PIK3R5: variants seen among roughly 807,000 people sequenced by gnomAD.
PIK3R5 encodes phosphoinositide-3-kinase regulatory subunit 5, also known as phosphoinositide 3-kinase regulatory subunit 5.
In PIK3R5, 32 loss-of-function variants were observed where a neutral mutation model predicts 94.9. The ratio of observed to expected loss-of-function variants is 0.34; its 90% CI spans 0.25 to 0.45. The LOEUF is 0.45. PIK3R5 is among the 20% of genes least tolerant of loss of function. The pLI is 1.00. For synonymous variants in PIK3R5, 443 were observed against 479.4 expected (o/e 0.92, Z 0.99); for missense variants, 853 against 1,144.6 (o/e 0.75, Z 3.68).
rs1284190031 is a variant in PIK3R5 at position 8,909,110 on chromosome 17, A to G, written c.168T>C (p.Leu56=). 1.9e-6 allele frequency: 3 copies of G among 1,609,912 alleles called. No individual in the cohort carries two copies. The South Asian group carries it at 3.3e-5, about 18-fold the overall frequency. The change falls in exon 3 of 19, where the codon CTT becomes CTC. Residue 56 remains leucine (L), a synonymous_variant. Transcript: ENST00000447110. This position sits in a 1 kb window ranked among gnomAD's most constrained non-coding sequence, Gnocchi z 4.3. ...ELVSRDPGHF[L]ILLEQILQKT... ...TCTGCAGGATCTGCTCAAGGAGGAT[A>G]AGGAAGTGGCCCGGGTCCCTGCTGA...
At chr17:8,894,394 A>G (rs2090101396) in intron 5 of PIK3R5, among the ~76,000 whole-genome samples, 1 of 152,090 alleles carries the variant, frequency 6.6e-6, no homozygotes, top group Admixed American at 6.5e-5. Context: ...CCAGCCAGGC[A>G]GTGGGTTTCG....
At chr17:8,956,492 T>C (rs1262379249) in intron 1 of PIK3R5, among the ~76,000 whole-genome samples, 15 of 152,154 alleles carry the variant, frequency 9.9e-5, no homozygotes, top group Admixed American at 9.8e-4. Flanking sequence ...GTCAGAATCA[T>C]AGAGTCCAGT....
chr17:8,887,737 A>T lies in PIK3R5; in HGVS notation c.1617-54T>A, dbSNP rs1044834977. On this transcript the variant is annotated intron_variant, in intron 10 of 18. Coordinates refer to ENST00000447110, the MANE Select transcript of PIK3R5 (RefSeq NM_001142633.3). ...AATGGGCATGGTGGCTCACGCCTGT[A>T]ATCCCAGCACTTTGGGAGGCTGAGG... 27 of 1,521,246 alleles carry T rather than the reference A, an allele frequency of 1.8e-5. No individual in the cohort carries two copies. The African/African-American group carries it at 2.8e-4, about 16-fold the overall frequency. 94.2% of individuals were successfully genotyped at this position (1,521,246 alleles called of 1,614,324 possible). A position where few individuals can be genotyped will look rare whatever the true frequency, so the allele number is the denominator to read the frequency against.
chr17:8,900,581 G>A (rs1321782601), intron 5 of PIK3R5, among the ~76,000 whole-genome samples: 2 of 152,150 alleles, frequency 1.3e-5, no homozygotes, highest in Non-Finnish European at 1.5e-5. Flanking sequence ...ACATGGTCCC[G>A]GGAAGGATGT....
In PIK3R5 at chr17:8,896,631, C is replaced by G. The variant is rs2090158750; in HGVS notation, c.413-2976G>C. Among the ~76,000 whole-genome samples the G allele has an allele frequency of 6.6e-6, 1 of 152,206 alleles. No homozygotes were observed. Among genetic ancestry groups the G allele is most frequent in the Non-Finnish European group, 1.5e-5 (1 of 68,034 alleles). ...ATTAAGCCTTGTTCACCCATCAAAG[C>G]TTCCACTCTTTTTCAAAGTTGCAAA... On this transcript the variant is annotated intron_variant, in intron 5 of 18. Coordinates refer to ENST00000447110, the MANE Select transcript of PIK3R5 (RefSeq NM_001142633.3). The surrounding 1 kb of genome is among the most constrained non-coding windows in gnomAD (Gnocchi z 4.0).
chr17:8,946,440 C>A lies in PIK3R5; in HGVS notation c.-14+19156G>T, dbSNP rs557716120. 2.4e-4 allele frequency among the ~76,000 whole-genome samples: 36 copies of A among 151,888 alleles called. 1 individual carries two copies. Among genetic ancestry groups the A allele is most frequent in the African/African-American group, 7.7e-4 (32 of 41,390 alleles). Reference sequence around the variant, plus strand: ...TATGAAAACTACTAGGAGATGGCGCCGTCTGCCAGGCACCTAAGAAAACTA... The same window carrying A: ...TATGAAAACTACTAGGAGATGGCGCAGTCTGCCAGGCACCTAAGAAAACTA... On this transcript the variant is annotated intron_variant, in intron 1 of 18. Transcript: ENST00000447110.
chr17:8,949,633 CA>C (rs1415575469), intron 1 of PIK3R5, among the ~76,000 whole-genome samples: 1 of 152,108 alleles, frequency 6.6e-6, no homozygotes, highest in African/African-American at 2.4e-5. Context: ...TAGGATTGGA[CA>C]CTATTATTCT....
Position 8,902,846 on chromosome 17 carries a change from A to ATTTT in PIK3R5, c.412+1927_412+1930dup, listed in dbSNP as rs35776068. 7.0e-3 allele frequency among the ~76,000 whole-genome samples: 985 copies of ATTTT among 140,168 alleles called. 11 individuals are homozygous for ATTTT. The highest frequency in any genetic ancestry group is 0.024 in the African/African-American group (910 of 37,770). The allele number at this position is 140,168 out of a possible 152,430, so 92.0% of individuals were successfully genotyped here. On this transcript the variant is annotated intron_variant, in intron 5 of 18. Transcript: ENST00000447110. ...CTCTTAATTTTATTTTTTAGATAGA[A>ATTTT]TTTTTTTTTTTTTTTGAGACAGAGT...
intron 1 of PIK3R5, among the ~76,000 whole-genome samples, chr17:8,960,021 T>C (rs890146357): frequency 1.3e-5 from 2 of 152,154 alleles, no homozygotes; most frequent in Non-Finnish European, 2.9e-5. Flanking sequence ...CCATTAGTAT[T>C]GATGACCTCA....
intron 1 of PIK3R5, among the ~76,000 whole-genome samples, chr17:8,933,802 A>C (rs988204548): frequency 3.3e-5 from 5 of 152,196 alleles, no homozygotes; most frequent in Non-Finnish European, 7.4e-5. Flanking sequence ...ATTGTACTGA[A>C]AGTCAACTTT....
chr17:8,952,990 C>T (rs189791127), intron 1 of PIK3R5, among the ~76,000 whole-genome samples: 3 of 152,258 alleles, frequency 2.0e-5, no homozygotes, highest in African/African-American at 7.2e-5. Context: ...CAGAGTTGAG[C>T]CATGGTCCAA....
chr17:8,932,822 A>G (rs2091010115), intron 1 of PIK3R5, among the ~76,000 whole-genome samples: 1 of 152,202 alleles, frequency 6.6e-6, no homozygotes, highest in African/African-American at 2.4e-5. Flanking sequence ...AGAAAAAAAT[A>G]TTTTAAGAAA....
Position 8,889,296 on chromosome 17 carries a change from C to T in PIK3R5, c.812-74G>A. On this transcript the variant is annotated intron_variant, in intron 8 of 18. Coordinates refer to ENST00000447110, the MANE Select transcript of PIK3R5 (RefSeq NM_001142633.3). The surrounding 1 kb of genome is among the most constrained non-coding windows in gnomAD (Gnocchi z 4.1). ...AGATTGGCCAGTCCAGTCCCCTTGC[C>T]TTGGAGAAGAGACCAGAGATGGGAC... 8.9e-7 allele frequency: 1 copy of T among 1,117,958 alleles called. No homozygotes were observed. The highest frequency in any genetic ancestry group is 1.3e-6 in the Non-Finnish European group (1 of 762,054). 69.3% of individuals were successfully genotyped at this position (1,117,958 alleles called of 1,614,324 possible).
rs1229497326 is a variant in PIK3R5, at chr17:8,889,779, T to C, written c.811+194A>G. On this transcript the variant is annotated intron_variant, in intron 8 of 18. Coordinates refer to ENST00000447110, the MANE Select transcript of PIK3R5 (RefSeq NM_001142633.3). This position sits in a 1 kb window ranked among gnomAD's most constrained non-coding sequence, Gnocchi z 4.1. ...CTCTTCCCACAAGCTGCCATCATGA[T>C]AGCACCCCCACCCTGCCCCTATAGA... is the stretch of plus-strand genomic sequence containing the variant. 6.6e-6 allele frequency among the ~76,000 whole-genome samples: 1 copy of C among 152,114 alleles called. No homozygotes were observed. Among genetic ancestry groups the C allele is most frequent in the African/African-American group, 2.4e-5 (1 of 41,410 alleles).
At chr17:8,952,897 C>T (rs757272911) in intron 1 of PIK3R5, among the ~76,000 whole-genome samples, 26 of 152,294 alleles carry the variant, frequency 1.7e-4, no homozygotes, top group African/African-American at 4.1e-4. Flanking sequence ...CAAGTTGCAA[C>T]TGTGGCCGTT....
At chr17:8,905,616 T>G (rs1273723300) in intron 4 of PIK3R5, 53 bp downstream of exon 4, 23 of 1,369,182 alleles carry the variant, frequency 1.7e-5, no homozygotes, top group Non-Finnish European at 2.2e-5. Context: ...CAGATAGAGG[T>G]CGCTCCTCCC....
chr17:8,902,264 T>TG, intron 5 of PIK3R5, among the ~76,000 whole-genome samples: 1 of 144,316 alleles, frequency 6.9e-6, no homozygotes, highest in East Asian at 2.0e-4. Flanking sequence ...TTTTTTTTTT[T>TG]TTTTTTTTTT....
In PIK3R5 at chr17:8,881,832, G is replaced by A; in HGVS notation, c.2255C>T (p.Thr752Ile). ...SRWSNLEKVCTSVNLNKACRK... is the reference protein window; with the variant it reads ...SRWSNLEKVCISVNLNKACRK... ...GCAGGCCTTGTTGAGGTTCACGGAG[G>A]TACAGACCTTCTCCAGGTTGCTCCA... The change falls in exon 16 of 19, where the codon ACC (threonine) becomes ATC (isoleucine). Residue 752 changes from threonine (T) to isoleucine (I), a missense_variant. Around this residue, in one of 6 missense-constraint regions of PIK3R5, gnomAD observed 173 missense variants for 274.1 expected, o/e 0.63. Coordinates refer to ENST00000447110, the MANE Select transcript of PIK3R5 (RefSeq NM_001142633.3). The surrounding 1 kb of genome is among the most constrained non-coding windows in gnomAD (Gnocchi z 4.8). 1 of 1,614,170 alleles carries A rather than the reference G, an allele frequency of 6.2e-7. No homozygotes were observed. Among genetic ancestry groups the A allele is most frequent in the Non-Finnish European group, 8.5e-7 (1 of 1,180,012 alleles).
In PIK3R5 at chr17:8,880,772, G is replaced by C; in HGVS notation, c.2510C>G (p.Pro837Arg). 1 of 1,613,656 alleles carries C rather than the reference G, an allele frequency of 6.2e-7. No homozygotes were observed. Among genetic ancestry groups the C allele is most frequent in the African/African-American group, 1.3e-5 (1 of 75,046 alleles). Residue 837 changes from proline to arginine, a missense_variant, in exon 19 of 19, where the codon CCG becomes CGG. Physicochemically the swap from Pro to Arg is moderately radical, Grantham distance 103. Transcript: ENST00000447110. ...GTCGCTCTTCTCTGGCTTGTAGCAC[G>C]GTGAGACCTCACATCTGTGCAGCAG... ...LQSVVRCEVS[P>R]CYKPEKSDLS...
Sources: allele counts gnomAD v4.1 joint callset (sites outside exome capture counted in the v4.1 genomes callset), GRCh38; gene constraint gnomAD v4.1.1; regional missense constraint gnomAD v4.1.1; non-coding constraint Gnocchi (gnomAD v3.1); transcripts MANE v1.5; gene names NCBI Gene and HGNC (gene_info 2026-07-23, HGNC 2026-07-21).